The following PVT1 variants were observed in gnomAD, a reference collection of about 807,000 sequenced individuals.
PVT1 encodes the protein CXCR4/PVT1 fusion.
At chr8:127,883,006 C>A (rs913385138) in intron 2 of PVT1, among the ~76,000 whole-genome samples, 3 of 151,956 alleles carry the variant, frequency 2.0e-5, no homozygotes, top group Non-Finnish European at 2.9e-5. Flanking sequence ...TGTGCACATA[C>A]ACGCACACAC....
rs576262809 is a variant in PVT1, at chr8:128,041,957, A to T, written n.913-28203A>T. Among the ~76,000 whole-genome samples the T allele has an allele frequency of 2.0e-5, 3 of 152,310 alleles. No homozygotes were observed. In the South Asian group the frequency reaches 6.2e-4, roughly 32 times the overall value. ...CTGGGCAGCAGACTGGCATCCAGCC[A>T]TTCCTTCTCCTGTGTCAGAAATTGA... On this transcript the variant is annotated intron_variant and non_coding_transcript_variant, in intron 4 of 10. Transcript: ENST00000651587.
intron 3 of PVT1, among the ~76,000 whole-genome samples, chr8:127,907,987 C>T (rs1337569265): frequency 6.6e-6 from 1 of 152,304 alleles, no homozygotes; most frequent in South Asian, 2.1e-4. Context: ...AGTGGCCTCC[C>T]TGCCTGGAGT....
At chr8:127,875,676 C>T (rs1248648651) in intron 2 of PVT1, among the ~76,000 whole-genome samples, 1 of 152,156 alleles carries the variant, frequency 6.6e-6, no homozygotes, top group African/African-American at 2.4e-5. Flanking sequence ...GTTCCTAGTT[C>T]TGCTATTTCC....
intron 2 of PVT1, among the ~76,000 whole-genome samples, chr8:127,844,843 A>T (rs1815013980): frequency 6.6e-6 from 1 of 151,972 alleles, no homozygotes; most frequent in African/African-American, 2.4e-5. Flanking sequence ...CCTCCCGAGT[A>T]GCTGGAACTA....
intron 2 of PVT1, among the ~76,000 whole-genome samples, chr8:127,819,979 A>T (rs149339165): frequency 6.6e-6 from 1 of 152,264 alleles, no homozygotes; most frequent in Non-Finnish European, 1.5e-5. Flanking sequence ...ATGTCACTAG[A>T]TTGAGATGAT....
chr8:127,908,007 A>G (rs773059416), intron 3 of PVT1, among the ~76,000 whole-genome samples: 12 of 152,168 alleles, frequency 7.9e-5, no homozygotes, highest in Non-Finnish European at 1.6e-4. Context: ...TTGGGTTCCT[A>G]TGCCTTCCAG....
At chr8:128,055,250 GTTTA>G (rs775268845) in intron 4 of PVT1, among the ~76,000 whole-genome samples, 36 of 152,126 alleles carry the variant, frequency 2.4e-4, no homozygotes, top group Non-Finnish European at 4.6e-4. Context: ...CAAGCTTTGT[GTTTA>G]TTTGTTTTAT....
chr8:128,086,300 T>A (rs1315289111), intron 5 of PVT1, among the ~76,000 whole-genome samples: 3 of 152,096 alleles, frequency 2.0e-5, no homozygotes, highest in African/African-American at 4.8e-5. Context: ...CAGGGCCACA[T>A]CTAGGGGGAC....
chr8:127,883,539 T>C (rs556723579), intron 2 of PVT1, among the ~76,000 whole-genome samples: 19 of 151,964 alleles, frequency 1.3e-4, no homozygotes, highest in African/African-American at 4.6e-4. Flanking sequence ...AGTTAATGGG[T>C]GTAGCACACA....
At chr8:127,945,030 T>C (rs1483664327) in intron 3 of PVT1, among the ~76,000 whole-genome samples, 3 of 152,054 alleles carry the variant, frequency 2.0e-5, no homozygotes, top group South Asian at 4.1e-4. Context: ...GTCAAGGCAA[T>C]AGGCTGATAA....
chr8:127,964,121 A>C (rs1009195048), intron 3 of PVT1, among the ~76,000 whole-genome samples: 4 of 152,248 alleles, frequency 2.6e-5, no homozygotes, highest in Admixed American at 2.6e-4. Context: ...CAGGACAAGC[A>C]GATGGGTTCA....
intron 2 of PVT1, among the ~76,000 whole-genome samples, chr8:127,889,233 G>A (rs1193175824): frequency 1.3e-5 from 2 of 151,328 alleles, no homozygotes; most frequent in African/African-American, 2.4e-5. Flanking sequence ...TGGTTTAAGC[G>A]ATTCTCATTC....
At chr8:127,888,507 A>G (rs1395629222) in intron 2 of PVT1, among the ~76,000 whole-genome samples, 2 of 152,254 alleles carry the variant, frequency 1.3e-5, no homozygotes. Context: ...GTTGCATGTC[A>G]AAAGGGACTT....
At chr8:127,914,249 A>C (rs1444656195) in intron 3 of PVT1, among the ~76,000 whole-genome samples, 1 of 123,106 alleles carries the variant, frequency 8.1e-6, no homozygotes, top group Non-Finnish European at 1.6e-5. Context: ...AAACACCACC[A>C]CCACCAACAG....
At chr8:127,945,352 G>A (rs987745208) in intron 3 of PVT1, among the ~76,000 whole-genome samples, 3 of 152,056 alleles carry the variant, frequency 2.0e-5, no homozygotes, top group African/African-American at 4.8e-5. Context: ...TTCATAAGAC[G>A]CGATCACATT....
chr8:127,908,575 T>G (rs573513541), intron 3 of PVT1, among the ~76,000 whole-genome samples: 1 of 152,124 alleles, frequency 6.6e-6, no homozygotes, highest in African/African-American at 2.4e-5. Flanking sequence ...CTCCTGACCT[T>G]GTGATCCGCC....
chr8:128,042,441 A>G (rs1357327099), intron 4 of PVT1, among the ~76,000 whole-genome samples: 1 of 152,206 alleles, frequency 6.6e-6, no homozygotes, highest in East Asian at 1.9e-4. Flanking sequence ...TGTTTGGACC[A>G]TCATACAGTA....
chr8:127,969,229 G>A (rs1816736329), intron 3 of PVT1, among the ~76,000 whole-genome samples: 1 of 152,084 alleles, frequency 6.6e-6, no homozygotes, highest in Admixed American at 6.5e-5. Context: ...TATTTATTAT[G>A]TCATAGGACT....
At chr8:127,937,580 C>CACAGAGAGAGAGAG (rs59006608) in intron 3 of PVT1, among the ~76,000 whole-genome samples, 21 of 107,862 alleles carry the variant, frequency 1.9e-4, no homozygotes, top group African/African-American at 7.4e-4. Context: ...CACACACACA[C>CACAGAGAGAGAGAG]AGAGAGAGAG....
Sources: allele counts gnomAD v4.1 joint callset (sites outside exome capture counted in the v4.1 genomes callset), GRCh38; gene constraint gnomAD v4.1.1; transcripts MANE v1.5; gene names NCBI Gene and HGNC (gene_info 2026-07-23, HGNC 2026-07-21).